Variants in MEGF6 observed in about 807,000 individuals in gnomAD.
MEGF6 encodes the protein multiple epidermal growth factor-like domains protein 6.
Under a neutral mutation model 207.1 loss-of-function variants are expected in MEGF6, and 184 were observed. The observed-to-expected ratio is 0.89, with a 90% CI of 0.79 to 1.00. The LOEUF (loss-of-function observed/expected upper bound fraction) is 1.00, where lower values mean the gene tolerates loss of function less well. MEGF6 is among the 50% of genes least tolerant of loss of function. The probability of loss-of-function intolerance (pLI) is 0.00; values close to 1 mark genes in which losing one functional copy is unlikely to be tolerated. For missense variants in MEGF6, 2,282 were observed against 2,202.9 expected, an observed-to-expected ratio of 1.04 and a Z score of -0.72; for synonymous variants, 1,038 against 910.0, an observed-to-expected ratio of 1.14 and a Z score of -2.53.
At chr1:3,571,344 A>T (rs370180377) in intron 4 of MEGF6, among the ~76,000 whole-genome samples, 1 of 152,140 alleles carries the variant, frequency 6.6e-6, no homozygotes, top group Non-Finnish European at 1.5e-5. Flanking sequence ...TTGCTCTCAG[A>T]GGACTCCCAC....
At chr1:3,609,285 C>T (rs907513888) in intron 1 of MEGF6, among the ~76,000 whole-genome samples, 2 of 152,194 alleles carry the variant, frequency 1.3e-5, no homozygotes, top group African/African-American at 4.8e-5. Flanking sequence ...CCCTGCACTC[C>T]ACAGCCCAGT....
intron 4 of MEGF6, among the ~76,000 whole-genome samples, chr1:3,575,660 G>C (rs1338785978): frequency 6.7e-6 from 1 of 149,902 alleles, no homozygotes; most frequent in African/African-American, 2.4e-5. Flanking sequence ...CAGGCAAAGA[G>C]AGAGAGCTTG....
At chr1:3,568,935 A>G (rs1429488096) in intron 4 of MEGF6, among the ~76,000 whole-genome samples, 2 of 152,172 alleles carry the variant, frequency 1.3e-5, no homozygotes, top group East Asian at 3.9e-4. Flanking sequence ...AGAAAAGAAC[A>G]TGCCAAACCC....
chr1:3,509,004 A>G, intron 12 of MEGF6, 71 bp downstream of exon 12: 1 of 1,429,124 alleles, frequency 7.0e-7, no homozygotes, highest in South Asian at 1.5e-5. Flanking sequence ...ATTGGATGGC[A>G]GCCTAGCCCG....
At chr1:3,497,514 G>A (rs1194890887) in intron 26 of MEGF6, 153 bp from the exon 27 acceptor site, 22 of 1,079,412 alleles carry the variant, frequency 2.0e-5, no homozygotes, top group South Asian at 3.1e-5. Flanking sequence ...GGAGCCCCCC[G>A]CCACCCCGGA....
In MEGF6 at chr1:3,515,513, C is replaced by T. The variant is rs199678946; in HGVS notation, c.619G>A (p.Ala207Thr). The change falls in exon 6 of 37, where the codon GCC becomes ACC. Residue 207 changes from alanine (A) to threonine (T), a missense_variant. Physicochemically the swap from Ala to Thr is moderately conservative, Grantham distance 58. Coordinates refer to ENST00000356575, the MANE Select transcript of MEGF6 (RefSeq NM_001409.4). The part of the protein sequence containing the change: ...SRTCLAINSC[A>T]LGNGGCQHHC... ...TGCTGGCAGCCGCCATTGCCCAGGG[C>T]GCAGGAGTTAATGGCTGGGGACACA... 8.7e-4 allele frequency: 1,404 copies of T among 1,612,288 alleles called. 1 individual carries two copies. Among genetic ancestry groups the T allele is most frequent in the Non-Finnish European group, 1.1e-3 (1,289 of 1,179,624 alleles).
intron 4 of MEGF6, among the ~76,000 whole-genome samples, chr1:3,531,976 C>T (rs562922460): frequency 1.1e-4 from 16 of 152,346 alleles, no homozygotes; most frequent in African/African-American, 3.6e-4. Flanking sequence ...CCAGTGCCTG[C>T]ACTGTCCTGT....
At position 3,501,828 on chromosome 1, in the gene MEGF6, G is replaced by A. The variant is rs765881091; in HGVS notation, c.2282C>T (p.Pro761Leu). 16 of 1,608,702 alleles carry A rather than the reference G, an allele frequency of 9.9e-6. No homozygotes were observed. The highest frequency in any genetic ancestry group is 5.4e-5 in the African/African-American group (4 of 74,650). ...CHGVTGQCRC[P>L]PGRTGEDCEA... ...ACAGTCTTCCCCAGTCCTCCCCGGCGGACACCGGCACTGCCCCGTGACCCC... is the reference window on the plus strand; with the variant it reads ...ACAGTCTTCCCCAGTCCTCCCCGGCAGACACCGGCACTGCCCCGTGACCCC... The change falls in exon 18 of 37, where the codon CCG becomes CTG. Residue 761 changes from proline (P) to leucine (L), a missense_variant. Pro to Leu is a moderately conservative substitution (Grantham distance 98). Coordinates refer to ENST00000356575, the MANE Select transcript of MEGF6 (RefSeq NM_001409.4).
Position 3,594,945 on chromosome 1 carries a change from A to G in MEGF6, c.376+393T>C, listed in dbSNP as rs1644035667. ...TTGGGAGAACACGGTATAGGGAAAC[A>G]GGGCAGGGAGAGGGACTCAGGGAGC... On this transcript the variant is annotated intron_variant, in intron 3 of 36. Coordinates refer to ENST00000356575, the MANE Select transcript of MEGF6 (RefSeq NM_001409.4). This position sits in a 1 kb window ranked among gnomAD's most constrained non-coding sequence, Gnocchi z 4.2. Among the ~76,000 whole-genome samples, 2 of 151,674 alleles carry G rather than the reference A, an allele frequency of 1.3e-5. No homozygotes were observed. The highest frequency in any genetic ancestry group is 4.8e-5 in the African/African-American group (2 of 41,246).
chr1:3,510,948 G>A (rs371716941), intron 9 of MEGF6, 46 bp from the exon 10 acceptor site: 17 of 1,567,428 alleles, frequency 1.1e-5, no homozygotes, highest in Admixed American at 1.7e-5. Context: ...GCACCTGCAC[G>A]TGCACACGCC....
chr1:3,545,149 C>T (rs1397115142), intron 4 of MEGF6, among the ~76,000 whole-genome samples: 2 of 152,142 alleles, frequency 1.3e-5, no homozygotes, highest in Non-Finnish European at 1.5e-5. Flanking sequence ...TGCCTGTGTC[C>T]GCTGCGGGTC....
rs534540111 is a variant in MEGF6, at chr1:3,526,867, T to C, written c.482-2621A>G. On this transcript the variant is annotated intron_variant, in intron 4 of 36. Transcript: ENST00000356575. Reference sequence around the variant, plus strand: ...AGCATCTGGGGCCCTCTGGCCAGGGTGACAATGGAGGCCCCGCCTGCTGAC... The same window carrying C: ...AGCATCTGGGGCCCTCTGGCCAGGGCGACAATGGAGGCCCCGCCTGCTGAC... 9.9e-5 allele frequency among the ~76,000 whole-genome samples: 15 copies of C among 152,136 alleles called. No individual in the cohort carries two copies. The East Asian group carries it at 2.9e-3, about 29-fold the overall frequency.
At chr1:3,620,858 G>T in the MEGF6 span, among the ~76,000 whole-genome samples, 3 of 152,252 alleles carry the variant, frequency 2.0e-5, no homozygotes, top group Non-Finnish European at 4.4e-5. Context: ...GCAGGGTAAG[G>T]AGTGTGACTC....
intron 4 of MEGF6, among the ~76,000 whole-genome samples, chr1:3,534,083 A>G (rs1357880675): frequency 2.0e-5 from 3 of 152,160 alleles, no homozygotes; most frequent in Admixed American, 6.5e-5. Flanking sequence ...CGAGGCCCCA[A>G]GCAGGGAAGG....
chr1:3,586,587 T>C (rs548153104), intron 3 of MEGF6, among the ~76,000 whole-genome samples: 28 of 152,248 alleles, frequency 1.8e-4, no homozygotes, highest in Admixed American at 1.5e-3. Context: ...GCCCGTGCTG[T>C]GTCTGCATGG....
chr1:3,506,323 C>T, intron 14 of MEGF6, 87 bp from the exon 15 acceptor site: 1 of 1,487,064 alleles, frequency 6.7e-7, no homozygotes. Flanking sequence ...CGCGGGGGCC[C>T]AGGGCCCAGC....
chr1:3,522,065 C>A (rs1641771686), intron 5 of MEGF6, among the ~76,000 whole-genome samples: 1 of 152,330 alleles, frequency 6.6e-6, no homozygotes, highest in South Asian at 2.1e-4. Flanking sequence ...GGGGGTGAAA[C>A]CCCCAGCATC....
At chr1:3,490,823 G>A (rs1293237001) in intron 36 of MEGF6, 89 bp downstream of exon 36, 1 of 1,481,724 alleles carries the variant, frequency 6.7e-7, no homozygotes, top group Non-Finnish European at 9.2e-7. Flanking sequence ...GCTGCCCTGT[G>A]GGGCCCAGAT....
At position 3,495,999 on chromosome 1, in the gene MEGF6, G is replaced by A. The variant is rs928316466; in HGVS notation, c.3762C>T (p.Phe1254=). ...CACACACGTGGGTGCAGTTGGGGCC[G>A]AAGCGGCCCTGCGGACAGGCTGCCG... ...DCNLTCPQGR[F]GPNCTHVCGC... is the part of the protein sequence containing the mutation. Residue 1254 remains phenylalanine (F), a synonymous_variant, in exon 30 of 37, where the codon TTC becomes TTT. Coordinates refer to ENST00000356575, the MANE Select transcript of MEGF6 (RefSeq NM_001409.4). The A allele has an allele frequency of 1.4e-5, 22 of 1,542,754 alleles. No homozygotes were observed. The highest frequency in any genetic ancestry group is 5.8e-5 in the Admixed American group (3 of 51,588).
Sources: gnomAD v4.1 joint callset for allele counts (sites outside exome capture counted in the v4.1 genomes callset) on GRCh38, gnomAD v4.1.1 for gene constraint, Gnocchi (gnomAD v3.1) non-coding constraint, MANE v1.5 for transcripts, NCBI Gene and HGNC (gene_info 2026-07-23, HGNC 2026-07-21) for gene names.